PACS1: variants seen among roughly 807,000 people sequenced by gnomAD.
PACS1 encodes PACS-1.
In PACS1, 24 loss-of-function variants were observed where a neutral mutation model predicts 115.0. The ratio of observed to expected loss-of-function variants is 0.21; its 90% CI spans 0.15 to 0.29. The LOEUF (loss-of-function observed/expected upper bound fraction) is 0.29. Ranked by LOEUF, PACS1 falls within the 10% of genes least tolerant of loss-of-function variation. The pLI is 1.00. For missense variants in PACS1, 838 were observed against 1,251.2 expected (o/e 0.67, Z 4.98); for synonymous variants, 453 against 504.5 (o/e 0.90, Z 1.37).
At chr11:66,196,341 A>T (rs954046121) in intron 2 of PACS1, among the ~76,000 whole-genome samples, 2 of 152,190 alleles carry the variant, frequency 1.3e-5, no homozygotes, top group Non-Finnish European at 2.9e-5. Flanking sequence ...GTGTGATGAG[A>T]TGGGACGTGT....
chr11:66,071,942 A>T (rs1218024949), intron 1 of PACS1, among the ~76,000 whole-genome samples: 1 of 152,204 alleles, frequency 6.6e-6, no homozygotes, highest in Non-Finnish European at 1.5e-5. Context: ...GCTCAGCTTA[A>T]GGAACAGAGC....
At chr11:66,089,632 C>T (rs1000500997) in intron 1 of PACS1, among the ~76,000 whole-genome samples, 2 of 152,278 alleles carry the variant, frequency 1.3e-5, no homozygotes, top group Non-Finnish European at 1.5e-5. Flanking sequence ...GTAAATATAA[C>T]TATCTAGCTG....
At chr11:66,159,565 C>G (rs1372645878) in intron 1 of PACS1, among the ~76,000 whole-genome samples, 1 of 152,168 alleles carries the variant, frequency 6.6e-6, no homozygotes, top group Non-Finnish European at 1.5e-5. Flanking sequence ...GCCTGCTTCC[C>G]CACAGCCTGG....
intron 10 of PACS1, among the ~76,000 whole-genome samples, chr11:66,226,281 G>A: frequency 6.6e-6 from 1 of 152,222 alleles, no homozygotes; most frequent in Non-Finnish European, 1.5e-5. Context: ...CATTACACAA[G>A]CCAAACCATC....
intron 1 of PACS1, among the ~76,000 whole-genome samples, chr11:66,076,638 C>T (rs1485372293): frequency 6.6e-6 from 1 of 152,188 alleles, no homozygotes; most frequent in South Asian, 2.1e-4. Flanking sequence ...AGTGATCCGG[C>T]GGCCTCGGCC....
chr11:66,225,070 C>T (rs958027247), intron 10 of PACS1, among the ~76,000 whole-genome samples: 1 of 152,196 alleles, frequency 6.6e-6, no homozygotes, highest in Non-Finnish European at 1.5e-5. Flanking sequence ...TGCGTCAGGG[C>T]AGCCACAGAT....
intron 1 of PACS1, among the ~76,000 whole-genome samples, chr11:66,170,370 T>C (rs777388942): frequency 2.7e-5 from 4 of 150,478 alleles, no homozygotes; most frequent in Non-Finnish European, 4.4e-5. Context: ...TACTTAAAGC[T>C]GTTGTTTCCT....
intron 1 of PACS1, among the ~76,000 whole-genome samples, chr11:66,125,330 C>T (rs1858547123): frequency 6.6e-6 from 1 of 152,132 alleles, no homozygotes; most frequent in South Asian, 2.1e-4. Context: ...AATGCGTAGA[C>T]CAAATCTTAT....
At chr11:66,112,543 A>G (rs954023361) in intron 1 of PACS1, among the ~76,000 whole-genome samples, 2 of 151,988 alleles carry the variant, frequency 1.3e-5, no homozygotes, top group African/African-American at 2.4e-5. Context: ...CTTATCCGAC[A>G]TGATTTTGTT....
In PACS1 at chr11:66,232,192, T is replaced by C. The variant is rs780106190; in HGVS notation, c.1647T>C (p.Tyr549=). The stretch of plus-strand genomic sequence containing the variant: ...TGCAGATTCCAAGAAAGGTGGTGTA[T>C]GACCAGCTCAATCAGATCCTGGTGT... ...HSTQIPRKVV[Y]DQLNQILVSD... is the part of the protein sequence containing the mutation. Residue 549 remains tyrosine, a synonymous_variant, in exon 14 of 24, where the codon TAT becomes TAC. Transcript: ENST00000320580. The C allele has an allele frequency of 1.9e-6, 3 of 1,612,630 alleles. No individual in the cohort carries two copies. Among genetic ancestry groups the C allele is most frequent in the Non-Finnish European group, 2.5e-6 (3 of 1,178,570 alleles).
chr11:66,243,442 C>T lies in PACS1; in HGVS notation c.*162C>T, dbSNP rs1173625864. The T allele has an allele frequency of 3.3e-6, 2 of 602,052 alleles. No homozygotes were observed. The highest frequency in any genetic ancestry group is 6.0e-6 in the Non-Finnish European group (2 of 335,512). The allele number at this position is 602,052 out of a possible 1,614,324, so 37.3% of individuals were successfully genotyped here. On this transcript the variant is annotated 3_prime_UTR_variant, in exon 24 of 24. Coordinates refer to ENST00000320580, the MANE Select transcript of PACS1 (RefSeq NM_018026.4). ...AAGGACACTGCCACAGGGACGCCTTCCCTCCCCTCCCCTCCAGCCCACCCC... is the reference window on the plus strand; with the variant it reads ...AAGGACACTGCCACAGGGACGCCTTTCCTCCCCTCCCCTCCAGCCCACCCC...
chr11:66,184,195 C>T (rs1405778801), intron 1 of PACS1, among the ~76,000 whole-genome samples: 1 of 151,498 alleles, frequency 6.6e-6, no homozygotes, highest in Non-Finnish European at 1.5e-5. Flanking sequence ...CACCTGTAAT[C>T]CCAGCTACTT....
chr11:66,095,195 A>G (rs1857752163), intron 1 of PACS1, among the ~76,000 whole-genome samples: 1 of 151,338 alleles, frequency 6.6e-6, no homozygotes, highest in Non-Finnish European at 1.5e-5. Context: ...AGTTCTGGCC[A>G]GGGCAATTAG....
chr11:66,186,324 A>G (rs1223815013), intron 1 of PACS1, among the ~76,000 whole-genome samples: 1 of 151,262 alleles, frequency 6.6e-6, no homozygotes, highest in Non-Finnish European at 1.5e-5. Context: ...AGAGGCCTGC[A>G]TGTGAAGCAG....
In PACS1 at chr11:66,230,638, G is replaced by A; in HGVS notation, c.1465G>A (p.Asp489Asn). Reference protein sequence around the residue: ...VKTPMKSSKTDLQGSASPSKV... With the variant: ...VKTPMKSSKTNLQGSASPSKV... ...AACTCCCATGAAGTCCAGTAAAACGGATCTCCAGGGCTCTGCCTCCCCCAG... is the reference window on the plus strand; with the variant it reads ...AACTCCCATGAAGTCCAGTAAAACGAATCTCCAGGGCTCTGCCTCCCCCAG... The change falls in exon 12 of 24, where the codon GAT becomes AAT. Residue 489 changes from aspartate (D) to asparagine (N), a missense_variant. Physicochemically the swap from Asp to Asn is conservative, Grantham distance 23. Transcript: ENST00000320580. The A allele has an allele frequency of 6.2e-7, 1 of 1,614,060 alleles. No individual in the cohort carries two copies. The highest frequency in any genetic ancestry group is 1.3e-5 in the African/African-American group (1 of 75,042).
At chr11:66,127,933 A>G (rs972526372) in intron 1 of PACS1, among the ~76,000 whole-genome samples, 1 of 152,164 alleles carries the variant, frequency 6.6e-6, no homozygotes, top group African/African-American at 2.4e-5. Flanking sequence ...GTTTGATAAA[A>G]CGCCTAGATC....
chr11:66,156,204 TTATATATATATATATATATATA>T (rs61270162), intron 1 of PACS1, among the ~76,000 whole-genome samples: 15,506 of 85,172 alleles, frequency 0.18, 1,749 homozygotes, highest in Admixed American at 0.33. Context: ...ATTTTTTAAA[TTATATATATATATATATATATA>T]TATATATATA....
At chr11:66,182,489 A>G (rs1396605464) in intron 1 of PACS1, among the ~76,000 whole-genome samples, 1 of 150,658 alleles carries the variant, frequency 6.6e-6, no homozygotes, top group Non-Finnish European at 1.5e-5. Context: ...TTCTTGAGAC[A>G]TGGTCTTGCT....
intron 1 of PACS1, among the ~76,000 whole-genome samples, chr11:66,108,169 G>A (rs1343015843): frequency 6.6e-6 from 1 of 152,156 alleles, no homozygotes; most frequent in African/African-American, 2.4e-5. Context: ...CTGGAGACTG[G>A]AAGTCCAAGA....
Sources: allele counts gnomAD v4.1 joint callset (sites outside exome capture counted in the v4.1 genomes callset), GRCh38; gene constraint gnomAD v4.1.1; transcripts MANE v1.5; gene names NCBI Gene and HGNC (gene_info 2026-07-23, HGNC 2026-07-21).